PCDHA1: variants seen among roughly 807,000 people sequenced by gnomAD.
PCDHA1 encodes protocadherin alpha 1, also known as protocadherin alpha-1.
In PCDHA1, 42 loss-of-function variants were observed where a neutral mutation model predicts 61.3. The observed-to-expected ratio is 0.69, with a 90% CI of 0.54 to 0.89. The LOEUF is 0.89. Ranked by LOEUF, PCDHA1 falls within the 40% of genes least tolerant of loss-of-function variation. The pLI is 0.00. For missense variants in PCDHA1, 1,256 were observed against 1,235.3 expected, an observed-to-expected ratio of 1.02 and a Z score of -0.25; for synonymous variants, 610 against 553.8, an observed-to-expected ratio of 1.10 and a Z score of -1.43.
At chr5:140,994,178 A>G (rs2097601690) in intron 3 of PCDHA1, among the ~76,000 whole-genome samples, 1 of 152,226 alleles carries the variant, frequency 6.6e-6, no homozygotes, top group Admixed American at 6.5e-5. Context: ...AAGCTGGGAC[A>G]AACCACCAGG....
In PCDHA1 at chr5:141,000,416, TATATA is replaced by T. The variant is rs1214257718; in HGVS notation, c.2543-9210_2543-9206del. On this transcript the variant is annotated intron_variant, in intron 3 of 3. Coordinates refer to ENST00000504120, the MANE Select transcript of PCDHA1 (RefSeq NM_018900.4). ...CTCTCTATATATATATATATATATA[TATATA>T]TTTTTTTTTTTTTTTTTTTTTTTGA... 2.1e-3 allele frequency among the ~76,000 whole-genome samples: 195 copies of T among 93,382 alleles called. 1 individual carries two copies. Among genetic ancestry groups the T allele is most frequent in the African/African-American group, 4.2e-3 (94 of 22,362 alleles). 61.3% of individuals were successfully genotyped at this position (93,382 alleles called of 152,430 possible). A position where few individuals can be genotyped will look rare whatever the true frequency, so the allele number is the denominator to read the frequency against.
chr5:140,837,640 T>C (rs1438744422), intron 1 of PCDHA1, among the ~76,000 whole-genome samples: 1 of 151,670 alleles, frequency 6.6e-6, no homozygotes, highest in Non-Finnish European at 1.5e-5. Flanking sequence ...TTCCTTTCTT[T>C]CTTTCTTTCT....
intron 1 of PCDHA1, among the ~76,000 whole-genome samples, chr5:140,838,401 G>A (rs1214374292): frequency 2.6e-5 from 4 of 151,340 alleles, no homozygotes; most frequent in African/African-American, 9.8e-5. Flanking sequence ...TGGGATTACA[G>A]GAGTGAGCCA....
At chr5:140,834,481 A>G in intron 1 of PCDHA1, 6 of 1,614,090 alleles carry the variant, frequency 3.7e-6, no homozygotes, top group Non-Finnish European at 5.1e-6. Flanking sequence ...CAGCTCCACT[A>G]CTCGGTCCCC....
rs527332783 is a variant in PCDHA1, at chr5:140,855,952, A to G, written c.2394+67268A>G. Reference sequence around the variant, plus strand: ...TCATTCTGAGATCTCAGCCATTTCGATAAAAAATAGATATAAGAAATAGGA... The same window carrying G: ...TCATTCTGAGATCTCAGCCATTTCGGTAAAAAATAGATATAAGAAATAGGA... On this transcript the variant is annotated intron_variant, in intron 1 of 3. Transcript: ENST00000504120. The G allele has an allele frequency of 2.9e-6, 4 of 1,380,786 alleles. No individual in the cohort carries two copies. The African/African-American group carries it at 5.8e-5, about 20-fold the overall frequency. The allele number at this position is 1,380,786 out of a possible 1,614,324, so 85.5% of individuals were successfully genotyped here.
chr5:140,879,685 A>G (rs2058084553), intron 1 of PCDHA1, among the ~76,000 whole-genome samples: 1 of 152,266 alleles, frequency 6.6e-6, no homozygotes, highest in East Asian at 1.9e-4. Flanking sequence ...GCTGTAAAAC[A>G]GCAAAAGTTT....
rs569899997 is a variant in PCDHA1 at position 140,792,865 on chromosome 5, T to C, written c.2394+4181T>C. Among the ~76,000 whole-genome samples the C allele has an allele frequency of 2.0e-5, 3 of 152,330 alleles. No homozygotes were observed. In the East Asian group the frequency reaches 5.8e-4, roughly 29 times the overall value. ...CGAGCAGTTCTGAAGCTATCTGCCA[T>C]CTGTTTAAGCTCCAGGAGAATTTGG... On this transcript the variant is annotated intron_variant, in intron 1 of 3. Transcript: ENST00000504120.
intron 1 of PCDHA1, chr5:140,805,026 A>G (rs782742192): frequency 1.9e-6 from 3 of 1,579,022 alleles, no homozygotes; most frequent in Non-Finnish European, 2.6e-6. Flanking sequence ...CTTCTTGAAT[A>G]TAATAGAGTC....
intron 1 of PCDHA1, chr5:140,871,232 T>C: frequency 6.2e-7 from 1 of 1,613,948 alleles, no homozygotes; most frequent in South Asian, 1.1e-5. Flanking sequence ...TCCAGCCTCC[T>C]GGTACTCACG....
intron 1 of PCDHA1, chr5:140,836,418 T>G (rs1470820599): frequency 6.2e-7 from 1 of 1,613,726 alleles, no homozygotes; most frequent in Non-Finnish European, 8.5e-7. Context: ...ACCAAAGGCG[T>G]CGTCGCGGGC....
chr5:140,821,763 G>T (rs1166758785), intron 1 of PCDHA1: 26 of 1,591,652 alleles, frequency 1.6e-5, no homozygotes, highest in Non-Finnish European at 2.2e-5. Context: ...CTCATAATTG[G>T]AACGAGATTG....
intron 1 of PCDHA1, chr5:140,968,651 GA>G: frequency 6.2e-7 from 1 of 1,614,154 alleles, no homozygotes; most frequent in Non-Finnish European, 8.5e-7. Flanking sequence ...CCAGACTTCT[GA>G]CCTGGACCTC....
At position 141,011,517 on chromosome 5, in the gene PCDHA1, T is replaced by C. The variant is rs1397450262; in HGVS notation, c.*1580T>C. 2.6e-5 allele frequency: 4 copies of C among 153,768 alleles called. No individual in the cohort carries two copies. The highest frequency in any genetic ancestry group is 5.9e-5 in the Non-Finnish European group (4 of 68,028). The allele number at this position is 153,768 out of a possible 1,614,324, so 9.5% of individuals were successfully genotyped here. On this transcript the variant is annotated 3_prime_UTR_variant, in exon 4 of 4. Transcript: ENST00000504120. Reference sequence around the variant, plus strand: ...ACCTGTGAAAAAGTGGAGTAGTGTTTTTTTAACCATTGTTAATCAGCTTTT... The same window carrying C: ...ACCTGTGAAAAAGTGGAGTAGTGTTCTTTTAACCATTGTTAATCAGCTTTT...
intron 1 of PCDHA1, chr5:140,967,283 C>T: frequency 6.2e-7 from 1 of 1,613,158 alleles, no homozygotes; most frequent in Non-Finnish European, 8.5e-7. Context: ...AGAGAGTGCG[C>T]AGGACCCCGA....
At chr5:140,932,349 C>A (rs2088248613) in intron 1 of PCDHA1, among the ~76,000 whole-genome samples, 1 of 151,900 alleles carries the variant, frequency 6.6e-6, no homozygotes, top group Admixed American at 6.6e-5. Flanking sequence ...ACTTACCATA[C>A]AACTGGCCTT....
Position 140,788,247 on chromosome 5 carries a change from G to A in PCDHA1, c.1957G>A (p.Asp653Asn). ...CTACCGCCTTCTGGTGCTAGTGAAG[G>A]ATCACGGTGAGCCGGCGCTGACAGC... Reference protein sequence around the residue: ...SRYRLLVLVKDHGEPALTATA... With the variant: ...SRYRLLVLVKNHGEPALTATA... Residue 653 changes from aspartate (D) to asparagine (N), a missense_variant, in exon 1 of 4, where the codon GAT becomes AAT. By Grantham distance (23) the Asp-to-Asn change is conservative. Coordinates refer to ENST00000504120, the MANE Select transcript of PCDHA1 (RefSeq NM_018900.4). 1 of 1,613,966 alleles carries A rather than the reference G, an allele frequency of 6.2e-7. No homozygotes were observed. The highest frequency in any genetic ancestry group is 8.5e-7 in the Non-Finnish European group (1 of 1,179,932).
intron 1 of PCDHA1, chr5:140,841,123 T>C: frequency 1.6e-6 from 1 of 643,846 alleles, no homozygotes; most frequent in Non-Finnish European, 2.6e-6. Context: ...ATGTAATCAT[T>C]ACCTTTTGAA....
intron 1 of PCDHA1, among the ~76,000 whole-genome samples, chr5:140,895,298 C>A (rs1208960325): frequency 6.6e-6 from 1 of 151,928 alleles, no homozygotes; most frequent in Non-Finnish European, 1.5e-5. Context: ...CCTTCGATTT[C>A]CCCCCTTCCA....
chr5:140,950,662 C>T (rs1347125277), intron 1 of PCDHA1, among the ~76,000 whole-genome samples: 1 of 152,030 alleles, frequency 6.6e-6, no homozygotes, highest in East Asian at 1.9e-4. Flanking sequence ...CTGAGTTTAT[C>T]AAACATGTAC....
Sources: allele counts gnomAD v4.1 joint callset (sites outside exome capture counted in the v4.1 genomes callset), GRCh38; gene constraint gnomAD v4.1.1; transcripts MANE v1.5; gene names NCBI Gene and HGNC (gene_info 2026-07-23, HGNC 2026-07-21).